EYA4: variants seen among roughly 807,000 people sequenced by gnomAD.
EYA4 encodes the protein EYA transcriptional coactivator and phosphatase 4.
EYA4 carries 31 observed loss-of-function variants against 87.9 expected under a neutral mutation model. The observed-to-expected ratio is 0.35, with a 90% CI of 0.27 to 0.48. EYA4 has a LOEUF of 0.48. Among genes scored for constraint, EYA4 ranks in the 20% least tolerant of loss-of-function variants. EYA4 has a pLI of 0.99. For missense variants in EYA4, 678 were observed against 761.4 expected (o/e 0.89, Z 1.29); for synonymous variants, 263 against 270.6 (o/e 0.97, Z 0.28).
At chr6:133,380,413 G>A (rs1351699073) in intron 2 of EYA4, among the ~76,000 whole-genome samples, 1 of 152,114 alleles carries the variant, frequency 6.6e-6, no homozygotes, top group South Asian at 2.1e-4. Flanking sequence ...GTTCTTTGGG[G>A]TAATTATGCT....
rs3777888 is a variant in EYA4 at position 133,523,375 on chromosome 6, G to C, written c.1738+198G>C. Among the ~76,000 whole-genome samples the C allele has an allele frequency of 4.9e-4, 74 of 152,236 alleles. 1 individual carries two copies. The East Asian group carries it at 0.012, about 25-fold the overall frequency. ...TAGTGACATTAAGAACTCAGTATCTGAGTATAGATATTTCATTCTTGTATT... is the reference window on the plus strand; with the variant it reads ...TAGTGACATTAAGAACTCAGTATCTCAGTATAGATATTTCATTCTTGTATT... On this transcript the variant is annotated intron_variant, in intron 18 of 19. Coordinates refer to ENST00000355286, the MANE Select transcript of EYA4 (RefSeq NM_004100.5).
intron 2 of EYA4, among the ~76,000 whole-genome samples, chr6:133,324,127 A>G (rs1394999200): frequency 6.6e-6 from 1 of 152,220 alleles, no homozygotes; most frequent in African/African-American, 2.4e-5. Context: ...TAATGCATAT[A>G]TATTCTCCAC....
intron 1 of EYA4, among the ~76,000 whole-genome samples, chr6:133,254,361 T>C (rs1471707103): frequency 6.6e-6 from 1 of 152,168 alleles, no homozygotes. Flanking sequence ...TGTTTCAAAA[T>C]GTGAGGACCA....
rs768724484 is a variant in EYA4 at position 133,383,517 on chromosome 6, C to CAAAAAAAAAAAAAAA, written c.83+1090_83+1104dup. Among the ~76,000 whole-genome samples, 8 of 45,238 alleles carry CAAAAAAAAAAAAAAA rather than the reference C, an allele frequency of 1.8e-4. 1 individual carries two copies. The highest frequency in any genetic ancestry group is 9.5e-4 in the East Asian group (1 of 1,050). The allele number at this position is 45,238 out of a possible 152,430, so 29.7% of individuals were successfully genotyped here. A position where few individuals can be genotyped will look rare whatever the true frequency, so the allele number is the denominator to read the frequency against. ...TGGGCGACAGAGCGAGACTCCATCT[C>CAAAAAAAAAAAAAAA]AAAAAAAAAAAAAAAAAAAAAAAAA... On this transcript the variant is annotated intron_variant, in intron 3 of 19. Coordinates refer to ENST00000355286, the MANE Select transcript of EYA4 (RefSeq NM_004100.5).
At chr6:133,243,551 G>T (rs1259143209) in intron 1 of EYA4, among the ~76,000 whole-genome samples, 5 of 152,034 alleles carry the variant, frequency 3.3e-5, no homozygotes, top group East Asian at 1.9e-4. Flanking sequence ...GTTGACGATG[G>T]TTTTTTTGTT....
chr6:133,333,675 C>T (rs1157396525), intron 2 of EYA4, among the ~76,000 whole-genome samples: 1 of 152,158 alleles, frequency 6.6e-6, no homozygotes, highest in Non-Finnish European at 1.5e-5. Flanking sequence ...ACAGCAATGT[C>T]TAACACCAAA....
intron 2 of EYA4, among the ~76,000 whole-genome samples, chr6:133,304,025 G>A (rs1347626642): frequency 6.6e-6 from 1 of 152,154 alleles, no homozygotes; most frequent in Non-Finnish European, 1.5e-5. Context: ...CATGCAGAAG[G>A]TTCAGATCAG....
intron 2 of EYA4, among the ~76,000 whole-genome samples, chr6:133,337,361 T>G (rs1276157812): frequency 6.6e-6 from 1 of 152,150 alleles, no homozygotes; most frequent in East Asian, 1.9e-4. Flanking sequence ...AAAAAATGAC[T>G]GGACTTCATA....
chr6:133,457,599 C>T (rs769042362), intron 6 of EYA4, among the ~76,000 whole-genome samples: 7 of 151,982 alleles, frequency 4.6e-5, no homozygotes, highest in Admixed American at 6.6e-5. Flanking sequence ...CTAGTTCACA[C>T]CGATTAGAAG....
chr6:133,406,021 TCTAC>T (rs66820519), intron 3 of EYA4, among the ~76,000 whole-genome samples: 95,674 of 150,880 alleles, frequency 0.63, 31,523 homozygotes, highest in Non-Finnish European at 0.73. Flanking sequence ...TATCTATCTA[TCTAC>T]CTACCTACCT....
In EYA4 at chr6:133,425,632, T is replaced by C. The variant is rs1160499234; in HGVS notation, c.84-20998T>C. Among the ~76,000 whole-genome samples the C allele has an allele frequency of 2.7e-5, 4 of 150,814 alleles. 1 individual carries two copies. The highest frequency in any genetic ancestry group is 9.9e-5 in the African/African-American group (4 of 40,248). On this transcript the variant is annotated intron_variant, in intron 3 of 19. Coordinates refer to ENST00000355286, the MANE Select transcript of EYA4 (RefSeq NM_004100.5). ...TGTCCCTCTGTTCACATTTGATTAG[T>C]TTCCAAGTTCTGGTTATTCTGCTTC...
intron 7 of EYA4, 49 bp from the exon 8 acceptor site, chr6:133,462,286 T>C (rs766922185): frequency 5.0e-6 from 8 of 1,600,318 alleles, no homozygotes; most frequent in Non-Finnish European, 6.9e-6. Flanking sequence ...CTGTCTAAAT[T>C]AATACACAGT....
At chr6:133,477,521 A>G (rs759477017) in intron 11 of EYA4, among the ~76,000 whole-genome samples, 6 of 151,988 alleles carry the variant, frequency 3.9e-5, no homozygotes, top group Non-Finnish European at 7.4e-5. Context: ...TTAACCCTTT[A>G]TCAGATGTAT....
At chr6:133,517,016 C>G (rs1379827920) in intron 17 of EYA4, among the ~76,000 whole-genome samples, 1 of 152,076 alleles carries the variant, frequency 6.6e-6, no homozygotes, top group Non-Finnish European at 1.5e-5. Flanking sequence ...GATTTATATG[C>G]CTTTGGGTAT....
rs554717911 is a variant in EYA4 at position 133,456,713 on chromosome 6, GA to G, written c.370+67del. The G allele has an allele frequency of 1.5e-3, 1,432 of 973,216 alleles. 33 individuals are homozygous for G. The South Asian group carries it at 0.018, about 12-fold the overall frequency. 60.3% of individuals were successfully genotyped at this position (973,216 alleles called of 1,614,324 possible). A position where few individuals can be genotyped will look rare whatever the true frequency, so the allele number is the denominator to read the frequency against. ...GGTGCATCCACATCCTCCTCCTCGG[GA>G]ATAAGCAACATAAGCATCCAAGCTC... On this transcript the variant is annotated intron_variant, in intron 6 of 19. Transcript: ENST00000355286.
intron 1 of EYA4, among the ~76,000 whole-genome samples, chr6:133,243,835 A>C (rs940386320): frequency 7.9e-5 from 12 of 152,206 alleles, no homozygotes; most frequent in Non-Finnish European, 1.5e-4. Flanking sequence ...CCCAAGAAAC[A>C]AAAAGCAGTA....
At chr6:133,363,771 G>A (rs967369040) in intron 2 of EYA4, among the ~76,000 whole-genome samples, 5 of 152,170 alleles carry the variant, frequency 3.3e-5, no homozygotes, top group East Asian at 1.9e-4. Flanking sequence ...CACCGCGCCC[G>A]GCGAGACCTT....
chr6:133,262,161 A>C (rs1229603283), intron 1 of EYA4, among the ~76,000 whole-genome samples: 1 of 152,218 alleles, frequency 6.6e-6, no homozygotes, highest in Non-Finnish European at 1.5e-5. Context: ...ATGATCATAA[A>C]GTCATCAGAT....
At chr6:133,467,867 T>C (rs1348100656) in intron 10 of EYA4, among the ~76,000 whole-genome samples, 3 of 151,946 alleles carry the variant, frequency 2.0e-5, no homozygotes, top group Admixed American at 1.3e-4. Flanking sequence ...CATTTTAAGG[T>C]TCTTAAAATT....
Sources: gnomAD v4.1 joint callset for allele counts (sites outside exome capture counted in the v4.1 genomes callset) on GRCh38, gnomAD v4.1.1 for gene constraint, MANE v1.5 for transcripts, NCBI Gene and HGNC (gene_info 2026-07-23, HGNC 2026-07-21) for gene names.